The following SLC25A13 variants were observed in gnomAD, a reference collection of about 807,000 sequenced individuals.
SLC25A13 encodes solute carrier family 25 member 13, also known as electrogenic aspartate/glutamate antiporter SLC25A13, mitochondrial.
In SLC25A13, 70 loss-of-function variants were observed where a neutral mutation model predicts 85.5. The observed-to-expected ratio is 0.82, with a 90% CI of 0.68 to 1.00. The LOEUF (loss-of-function observed/expected upper bound fraction) is 1.00, where lower values mean the gene tolerates loss of function less well. Ranked by LOEUF, SLC25A13 falls within the 50% of genes least tolerant of loss-of-function variation. The pLI, the probability that SLC25A13 is intolerant of heterozygous loss-of-function variation, is 0.00. For missense variants in SLC25A13, 765 were observed against 819.8 expected (o/e 0.93, Z 0.82); for synonymous variants, 259 against 288.7 (o/e 0.90, Z 1.04).
chr7:96,121,804 C>T (rs748375432), intron 16 of SLC25A13, 35 bp downstream of exon 16: 1 of 1,614,158 alleles, frequency 6.2e-7, no homozygotes, highest in Admixed American at 1.7e-5. Context: ...TTACCTGATA[C>T]CAAAGAGTTA....
At chr7:96,292,098 A>C (rs1219206079) in intron 2 of SLC25A13, among the ~76,000 whole-genome samples, 1 of 152,250 alleles carries the variant, frequency 6.6e-6, no homozygotes, top group Non-Finnish European at 1.5e-5. Flanking sequence ...AGTGGGCTTC[A>C]TCCCTGGGGT....
chr7:96,259,932 T>C (rs181961587), intron 3 of SLC25A13, among the ~76,000 whole-genome samples: 58 of 151,946 alleles, frequency 3.8e-4, no homozygotes, highest in Non-Finnish European at 6.9e-4. Context: ...GAAACCACCA[T>C]TCTCAGCAAA....
intron 2 of SLC25A13, among the ~76,000 whole-genome samples, chr7:96,287,805 A>G (rs1229534173): frequency 6.6e-6 from 1 of 152,242 alleles, no homozygotes; most frequent in Non-Finnish European, 1.5e-5. Flanking sequence ...TTTAGAAAAC[A>G]GAAGTAACAG....
At chr7:96,184,229 C>A in intron 11 of SLC25A13, 48 bp downstream of exon 11, 2 of 1,610,312 alleles carry the variant, frequency 1.2e-6, no homozygotes, top group Non-Finnish European at 1.7e-6. Context: ...AGAAACCAAA[C>A]CTTTGAGTGT....
At chr7:96,278,196 T>C (rs1439081061) in intron 2 of SLC25A13, among the ~76,000 whole-genome samples, 1 of 152,144 alleles carries the variant, frequency 6.6e-6, no homozygotes, top group Non-Finnish European at 1.5e-5. Flanking sequence ...GGTGTCCTTA[T>C]GAAGCAGGAG....
intron 1 of SLC25A13, among the ~76,000 whole-genome samples, chr7:96,300,612 C>G (rs1799515449): frequency 6.6e-6 from 1 of 152,160 alleles, no homozygotes; most frequent in Non-Finnish European, 1.5e-5. Flanking sequence ...CATGGGTCTT[C>G]AAACACACTC....
intron 3 of SLC25A13, among the ~76,000 whole-genome samples, chr7:96,243,830 G>A (rs1584504252): frequency 6.6e-6 from 1 of 152,268 alleles, no homozygotes; most frequent in East Asian, 1.9e-4. Context: ...AGAGAAGGCA[G>A]GGGAAGGGAA....
chr7:96,148,981 G>A (rs1260413688), intron 13 of SLC25A13, among the ~76,000 whole-genome samples: 1 of 152,222 alleles, frequency 6.6e-6, no homozygotes, highest in Non-Finnish European at 1.5e-5. Flanking sequence ...CTACGCTGAT[G>A]TTTTCCTCCA....
intron 3 of SLC25A13, among the ~76,000 whole-genome samples, chr7:96,275,644 C>A (rs777252879): frequency 5.9e-5 from 9 of 152,004 alleles, no homozygotes; most frequent in South Asian, 2.1e-4. Context: ...GACAAAAAAA[C>A]CAAACACTGC....
chr7:96,262,512 C>T (rs907461266), intron 3 of SLC25A13, among the ~76,000 whole-genome samples: 3 of 100,306 alleles, frequency 3.0e-5, no homozygotes, highest in Non-Finnish European at 4.2e-5. Context: ...CCAAAAACTA[C>T]TCCTCAGTTT....
At chr7:96,158,912 A>G (rs1793391408) in intron 13 of SLC25A13, among the ~76,000 whole-genome samples, 1 of 152,260 alleles carries the variant, frequency 6.6e-6, no homozygotes, top group Non-Finnish European at 1.5e-5. Context: ...TCAATGTTAA[A>G]TAGAGACATG....
chr7:96,219,616 A>G (rs757265724), intron 4 of SLC25A13: 1 of 516,400 alleles, frequency 1.9e-6, no homozygotes, highest in Admixed American at 2.0e-5. Flanking sequence ...ATTCCCTTGG[A>G]GAGCTTGTTT....
At chr7:96,318,549 G>C (rs1005349626) in intron 1 of SLC25A13, among the ~76,000 whole-genome samples, 1 of 152,174 alleles carries the variant, frequency 6.6e-6, no homozygotes, top group African/African-American at 2.4e-5. Context: ...TTAGATTAAT[G>C]TTCATTCACG....
chr7:96,279,685 A>AT (rs1224935724), intron 2 of SLC25A13, among the ~76,000 whole-genome samples: 1 of 152,198 alleles, frequency 6.6e-6, no homozygotes. Context: ...CAGCCAAGCC[A>AT]TATCACCAGT....
chr7:96,186,143 G>C (rs1226172981), intron 9 of SLC25A13, among the ~76,000 whole-genome samples: 1 of 151,834 alleles, frequency 6.6e-6, no homozygotes, highest in Non-Finnish European at 1.5e-5. Flanking sequence ...TCTGAAGTTA[G>C]AATAGGCTGG....
At chr7:96,265,667 T>G (rs1342356043) in intron 3 of SLC25A13, among the ~76,000 whole-genome samples, 1 of 152,206 alleles carries the variant, frequency 6.6e-6, no homozygotes, top group Non-Finnish European at 1.5e-5. Flanking sequence ...AGAATCAGTA[T>G]GACGAAGATG....
intron 4 of SLC25A13, among the ~76,000 whole-genome samples, chr7:96,226,525 C>A (rs1257956539): frequency 5.3e-5 from 8 of 152,010 alleles, no homozygotes; most frequent in Non-Finnish European, 1.2e-4. Context: ...ATTGGTGGAT[C>A]ATATGGTACT....
chr7:96,148,248 T>C (rs936594218), intron 13 of SLC25A13, among the ~76,000 whole-genome samples: 4 of 152,006 alleles, frequency 2.6e-5, no homozygotes, highest in Non-Finnish European at 5.9e-5. Context: ...GGAAGTAGAG[T>C]GTGAGATGAT....
chr7:96,160,053 T>C (rs1793447079), intron 13 of SLC25A13, among the ~76,000 whole-genome samples: 1 of 152,240 alleles, frequency 6.6e-6, no homozygotes, highest in African/African-American at 2.4e-5. Context: ...GTTATACATG[T>C]GTATTTTGAC....
Sources: gnomAD v4.1 joint callset for allele counts (sites outside exome capture counted in the v4.1 genomes callset) on GRCh38, gnomAD v4.1.1 for gene constraint, MANE v1.5 for transcripts, NCBI Gene and HGNC (gene_info 2026-07-23, HGNC 2026-07-21) for gene names.